LRRC8A: variants seen among roughly 807,000 people sequenced by gnomAD.
LRRC8A encodes volume-regulated anion channel subunit LRRC8A.
A neutral mutation model predicts 52.5 loss-of-function variants in LRRC8A; 24 were observed. That is an observed-to-expected ratio of 0.46 (90% CI 0.33 to 0.64). The LOEUF is 0.64. Among genes scored for constraint, LRRC8A ranks in the 30% least tolerant of loss-of-function variants. LRRC8A has a pLI of 0.02. For synonymous variants in LRRC8A, 492 were observed against 494.2 expected (o/e 1.00, Z 0.06); for missense variants, 677 against 1,094.7 (o/e 0.62, Z 5.38).
In LRRC8A at chr9:128,908,187, G is replaced by T. The variant is rs773155128; in HGVS notation, c.1023G>T (p.Trp341Cys). The T allele has an allele frequency of 4.3e-6, 7 of 1,614,056 alleles. No individual in the cohort carries two copies. In the Admixed American group the frequency reaches 1.2e-4, roughly 27 times the overall value. The change falls in exon 3 of 4, where the codon TGG becomes TGT. Residue 341 changes from tryptophan (W) to cysteine (C), a missense_variant. Physicochemically the swap from Trp to Cys is radical, Grantham distance 215. Transcript: ENST00000372600. Reference protein sequence around the residue: ...FYGLICMYTLWWMLRRSLKKY... With the variant: ...FYGLICMYTLCWMLRRSLKKY... ...GCCTCATCTGCATGTATACACTGTG[G>T]TGGATGCTACGGCGCTCCCTCAAGA...
intron 2 of LRRC8A, among the ~76,000 whole-genome samples, chr9:128,891,807 G>C (rs1483456454): frequency 6.6e-6 from 1 of 152,284 alleles, no homozygotes; most frequent in South Asian, 2.1e-4. Context: ...GTCCCAGGTG[G>C]GTCCGGGAGG....
At chr9:128,895,775 A>G (rs1222684280) in intron 2 of LRRC8A, among the ~76,000 whole-genome samples, 3 of 152,206 alleles carry the variant, frequency 2.0e-5, no homozygotes, top group Non-Finnish European at 4.4e-5. Context: ...GTAACCTGGT[A>G]AGATGCAGTA....
At chr9:128,910,931 G>T (rs1337116161) in intron 3 of LRRC8A, among the ~76,000 whole-genome samples, 3 of 152,176 alleles carry the variant, frequency 2.0e-5, no homozygotes, top group Non-Finnish European at 2.9e-5. Context: ...CAGCCCCACG[G>T]TGCAGTCCCT....
rs1459426518 is a variant in LRRC8A, at chr9:128,892,531, G to T, written c.-9+6410G>T. 2.0e-5 allele frequency among the ~76,000 whole-genome samples: 3 copies of T among 152,108 alleles called. No homozygotes were observed. The highest frequency in any genetic ancestry group is 1.3e-4 in the Admixed American group (2 of 15,272). ...CTTCCTCTCCCCAGGAAGTGAGGGT[G>T]TACCCTTCTACACAGGGCGAGTCCC... On this transcript the variant is annotated intron_variant, in intron 2 of 3. Transcript: ENST00000372600. The surrounding 1 kb of genome is among the most constrained non-coding windows in gnomAD (Gnocchi z 5.2).
intron 2 of LRRC8A, among the ~76,000 whole-genome samples, chr9:128,891,199 G>A (rs1395526570): frequency 6.6e-6 from 1 of 152,134 alleles, no homozygotes; most frequent in African/African-American, 2.4e-5. Context: ...TTGAACCCGG[G>A]AGGCGAAGGT....
rs532396984 is a variant in LRRC8A at position 128,889,286 on chromosome 9, G to A, written c.-9+3165G>A. Among the ~76,000 whole-genome samples the A allele has an allele frequency of 6.6e-5, 10 of 152,244 alleles. No homozygotes were observed. In the East Asian group the frequency reaches 1.9e-3, roughly 29 times the overall value. On this transcript the variant is annotated intron_variant, in intron 2 of 3. Transcript: ENST00000372600. ...CAGACCTGCAGAGTCTGCCCTGGAA[G>A]GTTGGCCCCAGGAATCTGAACTTTG...
Position 128,899,999 on chromosome 9 carries a change from G to C in LRRC8A, c.-8-7158G>C, listed in dbSNP as rs139214837. Among the ~76,000 whole-genome samples the C allele has an allele frequency of 6.6e-6, 1 of 152,338 alleles. No homozygotes were observed. The highest frequency in any genetic ancestry group is 1.5e-5 in the Non-Finnish European group (1 of 68,028). ...CAGGGGAGAATCTGGCCTTGGCCTTGGTTGTCTGTTTCTGAACTGGAACTG... is the reference window on the plus strand; with the variant it reads ...CAGGGGAGAATCTGGCCTTGGCCTTCGTTGTCTGTTTCTGAACTGGAACTG... On this transcript the variant is annotated intron_variant, in intron 2 of 3. Coordinates refer to ENST00000372600, the MANE Select transcript of LRRC8A (RefSeq NM_019594.4). This position sits in a 1 kb window ranked among gnomAD's most constrained non-coding sequence, Gnocchi z 4.0.
intron 2 of LRRC8A, among the ~76,000 whole-genome samples, chr9:128,895,877 T>A (rs1564521774): frequency 6.6e-6 from 1 of 152,250 alleles, no homozygotes. Flanking sequence ...CAGTGAGTTT[T>A]GTGTGATGAA....
chr9:128,912,403 A>G (rs1412503597), intron 3 of LRRC8A, among the ~76,000 whole-genome samples: 1 of 142,122 alleles, frequency 7.0e-6, no homozygotes, highest in Non-Finnish European at 1.5e-5. Flanking sequence ...GGAGGAAGCC[A>G]GGTGGAGGGG....
Position 128,892,269 on chromosome 9 carries a change from G to T in LRRC8A, c.-9+6148G>T, listed in dbSNP as rs1434607568. On this transcript the variant is annotated intron_variant, in intron 2 of 3. Coordinates refer to ENST00000372600, the MANE Select transcript of LRRC8A (RefSeq NM_019594.4). The surrounding 1 kb of genome is among the most constrained non-coding windows in gnomAD (Gnocchi z 5.2). ...CGCTCCTGCCCCAGCCTGGCAGGGC[G>T]AGGGCAGGTCCTGAGGCTGCACCTC... Among the ~76,000 whole-genome samples, 1 of 152,168 alleles carries T rather than the reference G, an allele frequency of 6.6e-6. No individual in the cohort carries two copies. The highest frequency in any genetic ancestry group is 6.5e-5 in the Admixed American group (1 of 15,290).
chr9:128,907,347 C>A lies in LRRC8A; in HGVS notation c.183C>A (p.Thr61=), dbSNP rs1331560902. ...KMICLPCKWV[T]KDSCNDSFRG... Reference sequence around the variant, plus strand: ...TCTGCCTGCCTTGTAAGTGGGTCACCAAGGACTCCTGCAATGATTCGTTCC... The same window carrying A: ...TCTGCCTGCCTTGTAAGTGGGTCACAAAGGACTCCTGCAATGATTCGTTCC... The change falls in exon 3 of 4, where the codon ACC becomes ACA. Residue 61 remains threonine (T), a synonymous_variant. Transcript: ENST00000372600. This position sits in a 1 kb window ranked among gnomAD's most constrained non-coding sequence, Gnocchi z 9.3. 3 of 1,613,842 alleles carry A rather than the reference C, an allele frequency of 1.9e-6. No homozygotes were observed. In the South Asian group the frequency reaches 3.3e-5, roughly 18 times the overall value.
chr9:128,906,603 G>A (rs1201387932), intron 2 of LRRC8A, among the ~76,000 whole-genome samples: 2 of 152,142 alleles, frequency 1.3e-5, no homozygotes, highest in African/African-American at 4.8e-5. Context: ...GATTACAGAC[G>A]TGAACCACGT....
intron 2 of LRRC8A, among the ~76,000 whole-genome samples, chr9:128,891,579 T>C (rs1427420994): frequency 6.6e-6 from 1 of 152,082 alleles, no homozygotes; most frequent in African/African-American, 2.4e-5. Context: ...TAAAACGGCC[T>C]GCCTTCTAGG....
In LRRC8A at chr9:128,892,942, G is replaced by A. The variant is rs765849710; in HGVS notation, c.-9+6821G>A. Among the ~76,000 whole-genome samples the A allele has an allele frequency of 7.9e-5, 12 of 152,142 alleles. No individual in the cohort carries two copies. The highest frequency in any genetic ancestry group is 1.9e-4 in the East Asian group (1 of 5,186). On this transcript the variant is annotated intron_variant, in intron 2 of 3. Coordinates refer to ENST00000372600, the MANE Select transcript of LRRC8A (RefSeq NM_019594.4). This position sits in a 1 kb window ranked among gnomAD's most constrained non-coding sequence, Gnocchi z 5.2. ...AAGGCTCTCTGTGCCCTGTTTACCCGCAGCCCGACTGCCTGCCGCCCAGGT... is the reference window on the plus strand; with the variant it reads ...AAGGCTCTCTGTGCCCTGTTTACCCACAGCCCGACTGCCTGCCGCCCAGGT...
At position 128,908,750 on chromosome 9, in the gene LRRC8A, C is replaced by T. The variant is rs150164316; in HGVS notation, c.1586C>T (p.Ala529Val). 8.8e-5 allele frequency: 142 copies of T among 1,613,106 alleles called. No homozygotes were observed. Among genetic ancestry groups the T allele is most frequent in the South Asian group, 8.6e-4 (78 of 91,086 alleles). The change falls in exon 3 of 4, where the codon GCG (alanine) becomes GTG (valine). Residue 529 changes from alanine (A) to valine (V), a missense_variant. By Grantham distance (64) the Ala-to-Val change is moderately conservative. Transcript: ENST00000372600. ...EELHLTGNLS[A>V]ENNRYIVIDG... Reference sequence around the variant, plus strand: ...CTGCACCTGACGGGCAACCTGAGCGCGGAGAACAACCGCTACATCGTCATC... The same window carrying T: ...CTGCACCTGACGGGCAACCTGAGCGTGGAGAACAACCGCTACATCGTCATC...
In LRRC8A at chr9:128,907,489, G is replaced by T. The variant is rs370697938; in HGVS notation, c.325G>T (p.Val109Leu). The T allele has an allele frequency of 1.1e-4, 177 of 1,613,950 alleles. No homozygotes were observed. The highest frequency in any genetic ancestry group is 1.4e-4 in the Non-Finnish European group (163 of 1,180,052). ...YDLDRHQYNY[V>L]DAVCYENRLH... ...CCTGGACCGGCACCAGTACAACTAC[G>T]TGGACGCTGTGTGCTATGAGAACCG... is the stretch of plus-strand genomic sequence containing the variant. The change falls in exon 3 of 4, where the codon GTG becomes TTG. Residue 109 changes from valine (V) to leucine (L), a missense_variant. By Grantham distance (32) the Val-to-Leu change is conservative. Around this residue, in one of 4 missense-constraint regions of LRRC8A, gnomAD observed 422 missense variants for 741.5 expected, o/e 0.57. Coordinates refer to ENST00000372600, the MANE Select transcript of LRRC8A (RefSeq NM_019594.4). The surrounding 1 kb of genome is among the most constrained non-coding windows in gnomAD (Gnocchi z 9.3).
chr9:128,882,350 T>G, intron 1 of LRRC8A, 100 bp downstream of exon 1: 2 of 189,338 alleles, frequency 1.1e-5, no homozygotes, highest in Non-Finnish European at 2.2e-5. Flanking sequence ...GCCCGGGGCA[T>G]CTGGGGCTCT....
In LRRC8A at chr9:128,908,085, C is replaced by T; in HGVS notation, c.921C>T (p.Thr307=). ...VDIESLTGYR[T]YRCAHPLATL... ...TTGAGAGCCTGACGGGCTACCGCAC[C>T]TACCGCTGTGCCCACCCCCTGGCCA... The change falls in exon 3 of 4, where the codon ACC becomes ACT. Residue 307 remains threonine, a synonymous_variant. Transcript: ENST00000372600. The T allele has an allele frequency of 1.2e-6, 2 of 1,614,030 alleles. No individual in the cohort carries two copies. The highest frequency in any genetic ancestry group is 1.7e-6 in the Non-Finnish European group (2 of 1,180,024).
Position 128,908,434 on chromosome 9 carries a change from G to A in LRRC8A, c.1270G>A (p.Ala424Thr), listed in dbSNP as rs781226116. 6 of 1,613,470 alleles carry A rather than the reference G, an allele frequency of 3.7e-6. No individual in the cohort carries two copies. Among genetic ancestry groups the A allele is most frequent in the South Asian group, 1.1e-5 (1 of 91,082 alleles). Reference protein sequence around the residue: ...DKLRQRLTKNAQDKLELHLFM... With the variant: ...DKLRQRLTKNTQDKLELHLFM... ...GCTCCGGCAGCGGCTCACCAAGAACGCGCAGGACAAGCTGGAGCTGCACCT... is the reference window on the plus strand; with the variant it reads ...GCTCCGGCAGCGGCTCACCAAGAACACGCAGGACAAGCTGGAGCTGCACCT... The change falls in exon 3 of 4, where the codon GCG becomes ACG. Residue 424 changes from alanine (A) to threonine (T), a missense_variant. By Grantham distance (58) the Ala-to-Thr change is moderately conservative. Around this residue, in one of 4 missense-constraint regions of LRRC8A, gnomAD observed 422 missense variants for 741.5 expected, o/e 0.57. Transcript: ENST00000372600.
Sources: allele counts gnomAD v4.1 joint callset (sites outside exome capture counted in the v4.1 genomes callset), GRCh38; gene constraint gnomAD v4.1.1; regional missense constraint gnomAD v4.1.1; non-coding constraint Gnocchi (gnomAD v3.1); transcripts MANE v1.5; gene names NCBI Gene and HGNC (gene_info 2026-07-23, HGNC 2026-07-21).